Variants in ALPK2 observed in about 807,000 individuals in gnomAD.
ALPK2 encodes the protein alpha kinase 2.
A neutral mutation model predicts 163.1 loss-of-function variants in ALPK2; 127 were observed. That is an observed-to-expected ratio of 0.78 (90% CI 0.67 to 0.90). The LOEUF is 0.90. ALPK2 is among the 40% of genes least tolerant of loss of function. The pLI, the probability that ALPK2 is intolerant of heterozygous loss-of-function variation, is 0.00. For missense variants in ALPK2, 2,360 were observed against 2,589.6 expected (o/e 0.91, Z 1.92); for synonymous variants, 953 against 959.1 (o/e 0.99, Z 0.12).
chr18:58,501,273 T>G (rs766419639), intron 11 of ALPK2, among the ~76,000 whole-genome samples: 120 of 152,254 alleles, frequency 7.9e-4, no homozygotes, highest in Non-Finnish European at 1.5e-3. Context: ...GTGCTGCTTT[T>G]CAGCATGAGA....
chr18:58,579,884 G>A lies in ALPK2; in HGVS notation c.892C>T (p.Gln298Ter), dbSNP rs145893469. 3.0e-5 allele frequency: 48 copies of A among 1,614,230 alleles called. No individual in the cohort carries two copies. The African/African-American group carries it at 6.1e-4, about 21-fold the overall frequency. The change falls in exon 4 of 13, where the codon CAG becomes TAG. Residue 298 changes from glutamine (Q) to a stop codon, truncating the protein, a stop_gained. Transcript: ENST00000361673. LOFTEE classifies it high-confidence loss of function. Reference protein sequence around the residue: ...SAVANKQPSPQLSSEDSDSDY... With the variant: ...SAVANKQPSP Reference sequence around the variant, plus strand: ...CTGTCAGAGTCTTCACTGGAAAGCTGTGGGCTGGGTTGTTTGTTGGCCACG... The same window carrying A: ...CTGTCAGAGTCTTCACTGGAAAGCTATGGGCTGGGTTGTTTGTTGGCCACG...
chr18:58,543,283 T>C (rs2051700583), intron 4 of ALPK2: 16 of 861,484 alleles, frequency 1.9e-5, no homozygotes, highest in Non-Finnish European at 2.2e-5. Flanking sequence ...ATTTCTTTTC[T>C]TTATAAATTT....
At position 58,535,619 on chromosome 18, in the gene ALPK2, T is replaced by A. The variant is rs2051640792; in HGVS notation, c.4568A>T (p.Glu1523Val). The change falls in exon 5 of 13, where the codon GAG (glutamate) becomes GTG (valine). Residue 1523 changes from glutamate (E) to valine (V), a missense_variant. Physicochemically the swap from Glu to Val is moderately radical, Grantham distance 121. Transcript: ENST00000361673. ...IQESSDGSLG[E>V]AEQSKKDKAE... ...TTTGTCCTTTTTGCTTTGCTCAGCC[T>A]CCCCTAAGCTCCCATCACTGCTTTC... The A allele has an allele frequency of 6.2e-7, 1 of 1,614,078 alleles. No individual in the cohort carries two copies. The highest frequency in any genetic ancestry group is 8.5e-7 in the Non-Finnish European group (1 of 1,180,032).
intron 4 of ALPK2, among the ~76,000 whole-genome samples, chr18:58,558,781 G>T (rs1386079675): frequency 6.6e-6 from 1 of 152,198 alleles, no homozygotes; most frequent in Non-Finnish European, 1.5e-5. Flanking sequence ...CCACATGGGT[G>T]ACCCTTGGAA....
chr18:58,486,280 G>A (rs1426122224), intron 12 of ALPK2, among the ~76,000 whole-genome samples: 5 of 152,224 alleles, frequency 3.3e-5, no homozygotes, highest in South Asian at 2.1e-4. Context: ...AGGCATCTCT[G>A]CACCATCTCA....
At chr18:58,544,900 T>A (rs1051910438) in intron 4 of ALPK2, 1 of 152,292 alleles carries the variant, frequency 6.6e-6, no homozygotes, top group South Asian at 2.1e-4. Flanking sequence ...GCCTCTTACA[T>A]AGCTAGATGG....
At chr18:58,580,603 C>T in intron 3 of ALPK2, 55 bp from the exon 4 acceptor site, 1 of 1,385,298 alleles carries the variant, frequency 7.2e-7, no homozygotes, top group Middle Eastern at 1.8e-4. Flanking sequence ...TGCATGCCAA[C>T]ATTTTCACAC....
At chr18:58,596,275 C>T (rs2052040753) in intron 3 of ALPK2, among the ~76,000 whole-genome samples, 1 of 152,228 alleles carries the variant, frequency 6.6e-6, no homozygotes, top group African/African-American at 2.4e-5. Flanking sequence ...GGCCTCGGTG[C>T]TGGCTGTGTC....
intron 6 of ALPK2, among the ~76,000 whole-genome samples, chr18:58,525,798 G>A (rs74616045): frequency 0.051 from 7,785 of 152,110 alleles, 246 homozygotes; most frequent in African/African-American, 0.09. Flanking sequence ...AGTCTTGAGC[G>A]TGGTCACGAG....
rs1404650099 is a variant in ALPK2, at chr18:58,580,030, T to G, written c.746A>C (p.Asn249Thr). The G allele has an allele frequency of 6.2e-7, 1 of 1,614,256 alleles. No individual in the cohort carries two copies. Among genetic ancestry groups the G allele is most frequent in the Non-Finnish European group, 8.5e-7 (1 of 1,180,044 alleles). ...TAAGCCTTCATCATGAGGACCATCA[T>G]TGTTCAGGTCACCATCCGTGAACTT... ...ASKFTDGDLN[N>T]DGPHDEGLRS... Residue 249 changes from asparagine (N) to threonine (T), a missense_variant, in exon 4 of 13, where the codon AAT becomes ACT. By Grantham distance (65) the Asn-to-Thr change is moderately conservative (BLOSUM62 0). Transcript: ENST00000361673.
At chr18:58,504,423 A>G (rs578183615) in intron 10 of ALPK2, among the ~76,000 whole-genome samples, 1 of 152,310 alleles carries the variant, frequency 6.6e-6, no homozygotes, top group South Asian at 2.1e-4. Context: ...CCATCAATCA[A>G]TGACTATAAT....
chr18:58,557,669 CGTGTGTGTGT>C (rs5825292), intron 4 of ALPK2, among the ~76,000 whole-genome samples: 1,514 of 149,996 alleles, frequency 0.01, 33 homozygotes, highest in African/African-American at 0.036. Flanking sequence ...CATATATATA[CGTGTGTGTGT>C]GTGTGTGTGT....
chr18:58,547,067 C>T (rs377370614), intron 4 of ALPK2, among the ~76,000 whole-genome samples: 64 of 139,334 alleles, frequency 4.6e-4, no homozygotes, highest in African/African-American at 1.6e-3. Context: ...TGCTACTATA[C>T]AGGAAGTGGC....
At chr18:58,531,063 C>T (rs552884322) in intron 5 of ALPK2, among the ~76,000 whole-genome samples, 27 of 152,058 alleles carry the variant, frequency 1.8e-4, no homozygotes, top group African/African-American at 5.8e-4. Flanking sequence ...AGGTGCAGTG[C>T]GCATGCCTGT....
intron 1 of ALPK2, among the ~76,000 whole-genome samples, chr18:58,622,227 A>T (rs1249116735): frequency 6.6e-6 from 1 of 152,024 alleles, no homozygotes; most frequent in Non-Finnish European, 1.5e-5. Flanking sequence ...CACACCTGTA[A>T]TCCCAGCCAC....
chr18:58,499,769 T>C (rs1276277643), intron 11 of ALPK2, among the ~76,000 whole-genome samples: 1 of 152,204 alleles, frequency 6.6e-6, no homozygotes, highest in East Asian at 1.9e-4. Context: ...GCACTGGCAT[T>C]CCCCACCTCC....
chr18:58,558,357 G>T (rs938592651), intron 4 of ALPK2, among the ~76,000 whole-genome samples: 4 of 152,074 alleles, frequency 2.6e-5, no homozygotes, highest in Non-Finnish European at 4.4e-5. Flanking sequence ...TGAAATATTT[G>T]GTTATACTGA....
At chr18:58,608,867 A>C (rs1602238605) in intron 2 of ALPK2, among the ~76,000 whole-genome samples, 1 of 151,712 alleles carries the variant, frequency 6.6e-6, no homozygotes, top group East Asian at 1.9e-4. Flanking sequence ...CAGGAGTATG[A>C]TCTGAGCCTA....
chr18:58,511,634 T>C (rs1445894228), intron 10 of ALPK2: 3 of 152,218 alleles, frequency 2.0e-5, no homozygotes, highest in Non-Finnish European at 4.4e-5. Context: ...AAAACAAATA[T>C]AGTCATAAAG....
Sources: gnomAD v4.1 joint callset for allele counts (sites outside exome capture counted in the v4.1 genomes callset) on GRCh38, gnomAD v4.1.1 for gene constraint, MANE v1.5 for transcripts, NCBI Gene and HGNC (gene_info 2026-07-23, HGNC 2026-07-21) for gene names.